Variants in FHIT observed in about 807,000 individuals in gnomAD.
The protein encoded by FHIT is fragile histidine triad diadenosine triphosphatase, also known as bis(5'-adenosyl)-triphosphatase.
Under a neutral mutation model 17.9 loss-of-function variants are expected in FHIT, and 19 were observed. That is an observed-to-expected ratio of 1.06 (90% CI 0.74 to 1.56). FHIT has a LOEUF of 1.56. FHIT is among the 40% of genes most tolerant of loss of function. FHIT has a pLI of 0.00. For missense variants in FHIT, 248 were observed against 189.2 expected (o/e 1.31, Z -1.82); for synonymous variants, 81 against 69.7 (o/e 1.16, Z -0.81).
intron 4 of FHIT, among the ~76,000 whole-genome samples, chr3:60,763,379 ACACT>A (rs1553720563): frequency 6.6e-6 from 1 of 152,220 alleles, no homozygotes; most frequent in Non-Finnish European, 1.5e-5. Context: ...GAGGAAGAAA[ACACT>A]CAACCACCTC....
intron 4 of FHIT, among the ~76,000 whole-genome samples, chr3:60,710,036 T>C (rs2041477729): frequency 8.0e-5 from 12 of 150,600 alleles, no homozygotes. Flanking sequence ...ACAGCAGCAG[T>C]TCTTTCTGCA....
chr3:60,955,752 T>C (rs1709123086), intron 3 of FHIT, among the ~76,000 whole-genome samples: 1 of 151,714 alleles, frequency 6.6e-6, no homozygotes, highest in Admixed American at 6.6e-5. Context: ...ATGGTTACTG[T>C]TGGAAACAAT....
intron 2 of FHIT, among the ~76,000 whole-genome samples, chr3:61,060,290 T>C (rs1273826862): frequency 1.3e-5 from 2 of 152,230 alleles, no homozygotes; most frequent in African/African-American, 2.4e-5. Flanking sequence ...AATTAGTCTA[T>C]GGTGAAATTG....
At chr3:61,248,235 C>T (rs1380022643) in intron 1 of FHIT, among the ~76,000 whole-genome samples, 1 of 151,796 alleles carries the variant, frequency 6.6e-6, no homozygotes, top group Non-Finnish European at 1.5e-5. Flanking sequence ...GCCACAAGTA[C>T]TTTTTCAGTG....
chr3:60,064,878 T>C (rs1001075431), intron 5 of FHIT, among the ~76,000 whole-genome samples: 2 of 152,212 alleles, frequency 1.3e-5, no homozygotes, highest in African/African-American at 2.4e-5. Context: ...TAAAATGCCA[T>C]TGGTTAATAT....
intron 5 of FHIT, among the ~76,000 whole-genome samples, chr3:60,504,205 G>A (rs1047517431): frequency 6.6e-6 from 1 of 152,172 alleles, no homozygotes; most frequent in Non-Finnish European, 1.5e-5. Context: ...GGCGGCCGAG[G>A]CGGGCAGATC....
chr3:61,192,521 G>C (rs73095093), intron 2 of FHIT, among the ~76,000 whole-genome samples: 2,164 of 152,210 alleles, frequency 0.014, 26 homozygotes, highest in Non-Finnish European at 0.021. Flanking sequence ...GACATCCCTG[G>C]GGCAGCAGGT....
intron 2 of FHIT, among the ~76,000 whole-genome samples, chr3:61,084,185 C>T (rs2035235704): frequency 1.3e-5 from 2 of 152,190 alleles, no homozygotes; most frequent in South Asian, 4.1e-4. Context: ...TTCTTCATTG[C>T]TCCACAGTGT....
intron 5 of FHIT, among the ~76,000 whole-genome samples, chr3:60,260,914 G>A (rs1021536580): frequency 6.6e-6 from 1 of 151,962 alleles, no homozygotes; most frequent in African/African-American, 2.4e-5. Context: ...CCAGCGCCAT[G>A]ACAGTTTACA....
At chr3:61,208,943 A>T (rs1192039754) in intron 1 of FHIT, among the ~76,000 whole-genome samples, 1 of 152,016 alleles carries the variant, frequency 6.6e-6, no homozygotes, top group Non-Finnish European at 1.5e-5. Context: ...ATGTTTTTGC[A>T]GTGGCTGGTA....
intron 3 of FHIT, among the ~76,000 whole-genome samples, chr3:60,969,538 A>G (rs999212502): frequency 1.3e-5 from 2 of 152,122 alleles, no homozygotes; most frequent in African/African-American, 4.8e-5. Flanking sequence ...TTGATATGTT[A>G]TATCTTCATT....
At chr3:60,105,339 C>T (rs1385118805) in intron 5 of FHIT, among the ~76,000 whole-genome samples, 1 of 152,196 alleles carries the variant, frequency 6.6e-6, no homozygotes, top group Non-Finnish European at 1.5e-5. Context: ...TGTACTCACA[C>T]ACAAAATCTC....
intron 5 of FHIT, among the ~76,000 whole-genome samples, chr3:60,529,929 C>T (rs1044534194): frequency 5.8e-5 from 5 of 85,948 alleles, no homozygotes; most frequent in Admixed American, 2.5e-4. Context: ...TGTGTAGATC[C>T]GCAGATCGTA....
At chr3:60,612,899 T>G (rs560803114) in intron 4 of FHIT, among the ~76,000 whole-genome samples, 7 of 152,328 alleles carry the variant, frequency 4.6e-5, no homozygotes, top group South Asian at 4.1e-4. Context: ...CTCAGGTAAC[T>G]GCCAGCAACG....
intron 3 of FHIT, among the ~76,000 whole-genome samples, chr3:61,038,905 TA>T (rs2033377453): frequency 6.6e-6 from 1 of 152,106 alleles, no homozygotes; most frequent in Non-Finnish European, 1.5e-5. Flanking sequence ...ATAACCACAT[TA>T]AACCAAATGT....
chr3:61,164,538 A>G (rs1320543217), intron 2 of FHIT, among the ~76,000 whole-genome samples: 1 of 152,240 alleles, frequency 6.6e-6, no homozygotes, highest in Non-Finnish European at 1.5e-5. Flanking sequence ...TGAAACACTG[A>G]GCAAGTTATT....
At chr3:60,135,264 T>A (rs187171253) in intron 5 of FHIT, among the ~76,000 whole-genome samples, 66 of 152,192 alleles carry the variant, frequency 4.3e-4, no homozygotes, top group African/African-American at 1.4e-3. Flanking sequence ...TGGTACAGCG[T>A]CACGTCCTTA....
chr3:60,285,574 G>T (rs1459619246), intron 5 of FHIT, among the ~76,000 whole-genome samples: 1 of 152,092 alleles, frequency 6.6e-6, no homozygotes, highest in East Asian at 1.9e-4. Flanking sequence ...TCTAGATGCT[G>T]CTGTAAAGAG....
intron 7 of FHIT, among the ~76,000 whole-genome samples, chr3:59,969,830 C>A (rs1425538495): frequency 1.3e-5 from 2 of 152,188 alleles, no homozygotes; most frequent in African/African-American, 4.8e-5. Context: ...TACTGTATGT[C>A]TGATACTGCA....
Sources: allele counts gnomAD v4.1 joint callset (sites outside exome capture counted in the v4.1 genomes callset), GRCh38; gene constraint gnomAD v4.1.1; transcripts MANE v1.5; gene names NCBI Gene and HGNC (gene_info 2026-07-23, HGNC 2026-07-21).